The following PPARGC1A variants were observed in gnomAD, a reference collection of about 807,000 sequenced individuals.
PPARGC1A encodes PPARG coactivator 1 alpha, also known as peroxisome proliferator-activated receptor gamma coactivator 1-alpha.
Under a neutral mutation model 88.7 loss-of-function variants are expected in PPARGC1A, and 25 were observed. The ratio of observed to expected loss-of-function variants is 0.28; its 90% CI spans 0.21 to 0.39. The LOEUF is 0.39. PPARGC1A is among the 10% of genes least tolerant of loss of function. PPARGC1A has a pLI of 1.00. For missense variants in PPARGC1A, 880 were observed against 968.7 expected (o/e 0.91, Z 1.22); for synonymous variants, 363 against 355.6 (o/e 1.02, Z -0.24).
intron 10 of PPARGC1A, among the ~76,000 whole-genome samples, chr4:23,805,546 T>A (rs1719643385): frequency 6.6e-6 from 1 of 152,118 alleles, no homozygotes; most frequent in Admixed American, 6.6e-5. Flanking sequence ...ACCGAGCACA[T>A]CCTGGCAGTC....
chr4:24,246,719 T>C, the PPARGC1A span, among the ~76,000 whole-genome samples: 10 of 152,356 alleles, frequency 6.6e-5, no homozygotes, highest in South Asian at 1.5e-3. Context: ...TAGTTGGTCA[T>C]TGACTAAAAG....
chr4:23,898,826 A>T, intron 1 of PPARGC1A, among the ~76,000 whole-genome samples: 1 of 129,888 alleles, frequency 7.7e-6, no homozygotes, highest in East Asian at 2.3e-4. Context: ...ACAATTCCTG[A>T]GGTGGGTATT....
the PPARGC1A span, among the ~76,000 whole-genome samples, chr4:24,375,180 C>G: frequency 6.6e-6 from 1 of 152,128 alleles, no homozygotes; most frequent in Admixed American, 6.5e-5. Flanking sequence ...TTGAAGAAAA[C>G]AGTATTATTA....
chr4:24,250,017 C>T, the PPARGC1A span, among the ~76,000 whole-genome samples: 4 of 152,112 alleles, frequency 2.6e-5, no homozygotes, highest in Non-Finnish European at 4.4e-5. Flanking sequence ...CAGCACTAAA[C>T]GGTGGGAACA....
the PPARGC1A span, among the ~76,000 whole-genome samples, chr4:24,044,421 A>G: frequency 6.6e-6 from 1 of 152,134 alleles, no homozygotes; most frequent in East Asian, 1.9e-4. Context: ...GAAATACAGC[A>G]TCATTAGTCA....
the PPARGC1A span, among the ~76,000 whole-genome samples, chr4:24,141,395 G>A: frequency 9.2e-4 from 140 of 152,310 alleles, no homozygotes; most frequent in African/African-American, 2.7e-3. Flanking sequence ...CATCATCAGC[G>A]TTGACTCTAT....
the PPARGC1A span, among the ~76,000 whole-genome samples, chr4:24,235,161 C>T: frequency 1.3e-5 from 2 of 152,154 alleles, no homozygotes; most frequent in Admixed American, 6.5e-5. Context: ...CATCCACTTA[C>T]GGATTCAGAA....
At chr4:23,910,282 T>C in the PPARGC1A span, among the ~76,000 whole-genome samples, 1 of 85,056 alleles carries the variant, frequency 1.2e-5, no homozygotes, top group Non-Finnish European at 2.4e-5. Context: ...ATTAACCCTA[T>C]ATATTATTAT....
the PPARGC1A span, among the ~76,000 whole-genome samples, chr4:24,364,903 C>T: frequency 6.6e-6 from 1 of 152,102 alleles, no homozygotes; most frequent in Non-Finnish European, 1.5e-5. Flanking sequence ...CAGCATCTGG[C>T]ATGGTGCTTG....
chr4:24,431,136 A>C, the PPARGC1A span, among the ~76,000 whole-genome samples: 69 of 151,288 alleles, frequency 4.6e-4, 1 homozygote, highest in Middle Eastern at 3.5e-3. Context: ...AAAAAAAAAA[A>C]AAAAAAGAGA....
At chr4:24,119,044 T>C in the PPARGC1A span, among the ~76,000 whole-genome samples, 1 of 152,232 alleles carries the variant, frequency 6.6e-6, no homozygotes, top group South Asian at 2.1e-4. Context: ...AGTCAATTTA[T>C]TCCTTTATCA....
intron 2 of PPARGC1A, among the ~76,000 whole-genome samples, chr4:23,854,174 G>A (rs1729787217): frequency 6.6e-6 from 1 of 152,180 alleles, no homozygotes; most frequent in Admixed American, 6.5e-5. Context: ...ATGTGTACAT[G>A]ACAAGTGTCA....
the PPARGC1A span, among the ~76,000 whole-genome samples, chr4:24,194,646 A>C: frequency 1.2e-3 from 24 of 19,616 alleles, no homozygotes; most frequent in Non-Finnish European, 3.1e-3. Context: ...ACACACACAC[A>C]CACACACACA....
chr4:23,980,132 G>A, the PPARGC1A span, among the ~76,000 whole-genome samples: 19 of 130,540 alleles, frequency 1.5e-4, no homozygotes, highest in African/African-American at 5.5e-4. Flanking sequence ...TTTCTGTTTT[G>A]ATTAATTTAG....
the PPARGC1A span, among the ~76,000 whole-genome samples, chr4:24,020,097 A>G: frequency 6.6e-6 from 1 of 152,190 alleles, no homozygotes; most frequent in Non-Finnish European, 1.5e-5. Context: ...TCAGGTATCC[A>G]AACTCCATCC....
chr4:24,005,237 T>C, the PPARGC1A span, among the ~76,000 whole-genome samples: 1 of 152,068 alleles, frequency 6.6e-6, no homozygotes, highest in Admixed American at 6.6e-5. Context: ...ATATGTGAAA[T>C]AAATGCAGAG....
chr4:24,304,464 G>A, the PPARGC1A span, among the ~76,000 whole-genome samples: 1 of 152,152 alleles, frequency 6.6e-6, no homozygotes, highest in Non-Finnish European at 1.5e-5. Context: ...CTGTGAAGCA[G>A]GTCTTAGTCT....
the PPARGC1A span, among the ~76,000 whole-genome samples, chr4:24,323,939 G>A: frequency 3.3e-5 from 5 of 152,120 alleles, no homozygotes; most frequent in South Asian, 6.2e-4. Flanking sequence ...CAATCTTGGC[G>A]CTACACTTCA....
At chr4:23,858,233 C>T (rs561969862) in intron 2 of PPARGC1A, among the ~76,000 whole-genome samples, 1 of 152,222 alleles carries the variant, frequency 6.6e-6, no homozygotes, top group East Asian at 1.9e-4. Flanking sequence ...AATGCATTGT[C>T]TCATTTAATT....
Sources: gnomAD v4.1 joint callset for allele counts (sites outside exome capture counted in the v4.1 genomes callset) on GRCh38, gnomAD v4.1.1 for gene constraint, MANE v1.5 for transcripts, NCBI Gene and HGNC (gene_info 2026-07-23, HGNC 2026-07-21) for gene names.